ADAM18: variants seen among roughly 807,000 people sequenced by gnomAD.
The protein encoded by ADAM18 is disintegrin and metalloproteinase domain-containing protein 18.
Under a neutral mutation model 94.4 loss-of-function variants are expected in ADAM18, and 117 were observed. That is an observed-to-expected ratio of 1.24 (90% confidence interval 1.07 to 1.45). ADAM18 has a LOEUF of 1.45. Ranked by LOEUF, ADAM18 falls within the 40% of genes most tolerant of loss-of-function variation. The pLI is 0.00. For synonymous variants in ADAM18, 327 were observed against 291.6 expected, an observed-to-expected ratio of 1.12 and a Z score of -1.24; for missense variants, 936 against 880.0, an observed-to-expected ratio of 1.06 and a Z score of -0.81.
At chr8:39,602,710 A>G (rs1405464636) in intron 2 of ADAM18, among the ~76,000 whole-genome samples, 1 of 152,076 alleles carries the variant, frequency 6.6e-6, no homozygotes, top group Non-Finnish European at 1.5e-5. Flanking sequence ...TAAGTCTTTT[A>G]TGAGATATGT....
At chr8:39,709,948 A>C (rs955428461) in intron 18 of ADAM18, among the ~76,000 whole-genome samples, 1 of 152,226 alleles carries the variant, frequency 6.6e-6, no homozygotes, top group African/African-American at 2.4e-5. Context: ...TTAAGTTTGG[A>C]TAGACAGAGG....
intron 6 of ADAM18, among the ~76,000 whole-genome samples, chr8:39,612,638 G>T (rs1819312630): frequency 6.6e-6 from 1 of 152,118 alleles, no homozygotes; most frequent in South Asian, 2.1e-4. Flanking sequence ...TTGATTGTTG[G>T]ACCTGGACAA....
intron 11 of ADAM18, among the ~76,000 whole-genome samples, chr8:39,647,101 C>T (rs773764943): frequency 2.6e-5 from 4 of 151,886 alleles, no homozygotes; most frequent in African/African-American, 7.3e-5. Context: ...CCCAGGAGAC[C>T]GGCACTCAGT....
At chr8:39,642,665 G>A (rs1820268098) in intron 10 of ADAM18, among the ~76,000 whole-genome samples, 1 of 151,950 alleles carries the variant, frequency 6.6e-6, no homozygotes, top group Non-Finnish European at 1.5e-5. Flanking sequence ...TAGCCCTATA[G>A]TATAGTTTGA....
At chr8:39,624,020 ATTTG>A (rs1188901845) in intron 6 of ADAM18, among the ~76,000 whole-genome samples, 1 of 151,644 alleles carries the variant, frequency 6.6e-6, no homozygotes, top group East Asian at 1.9e-4. Flanking sequence ...TATCTTGCTG[ATTTG>A]TTTGAGTTCC....
At chr8:39,598,952 C>G (rs1402237472) in intron 2 of ADAM18, among the ~76,000 whole-genome samples, 2 of 151,970 alleles carry the variant, frequency 1.3e-5, no homozygotes, top group African/African-American at 4.8e-5. Context: ...GCTGGGATCA[C>G]AGGAACCCAC....
intron 2 of ADAM18, among the ~76,000 whole-genome samples, chr8:39,598,175 CCT>C (rs1261977505): frequency 6.6e-6 from 1 of 151,938 alleles, no homozygotes; most frequent in Non-Finnish European, 1.5e-5. Flanking sequence ...TTTCATCAAT[CCT>C]CTCAGAATTT....
chr8:39,701,023 C>T (rs1338445343), intron 17 of ADAM18, among the ~76,000 whole-genome samples: 1 of 137,050 alleles, frequency 7.3e-6, no homozygotes, highest in Non-Finnish European at 1.5e-5. Flanking sequence ...GAGGCTGAGG[C>T]AGGAGAATGG....
At chr8:39,604,001 C>G (rs1434200374) in intron 2 of ADAM18, among the ~76,000 whole-genome samples, 1 of 152,150 alleles carries the variant, frequency 6.6e-6, no homozygotes, top group South Asian at 2.1e-4. Flanking sequence ...ACTTAAAAAT[C>G]ATCAGTTACG....
chr8:39,631,936 T>C (rs73605970), intron 7 of ADAM18, among the ~76,000 whole-genome samples: 5,458 of 152,124 alleles, frequency 0.036, 251 homozygotes, highest in African/African-American at 0.11. Flanking sequence ...TAAATGGTAT[T>C]CTTAATTTAA....
At chr8:39,696,707 A>G (rs1821936532) in intron 17 of ADAM18, among the ~76,000 whole-genome samples, 1 of 151,528 alleles carries the variant, frequency 6.6e-6, no homozygotes, top group South Asian at 2.1e-4. Context: ...TGGGCTCTCT[A>G]TTCTCCATTT....
At chr8:39,715,985 C>G (rs1321725985) in intron 18 of ADAM18, among the ~76,000 whole-genome samples, 1 of 151,968 alleles carries the variant, frequency 6.6e-6, no homozygotes, top group Non-Finnish European at 1.5e-5. Flanking sequence ...GAAGACTTCA[C>G]GAGGACGGGA....
At chr8:39,647,781 G>A (rs868535314) in intron 11 of ADAM18, among the ~76,000 whole-genome samples, 3 of 152,120 alleles carry the variant, frequency 2.0e-5, no homozygotes, top group African/African-American at 4.8e-5. Context: ...AACAAGGCAC[G>A]TCCTGCACAG....
intron 12 of ADAM18, 57 bp downstream of exon 12, chr8:39,648,584 G>A: frequency 6.9e-7 from 1 of 1,444,916 alleles, no homozygotes; most frequent in Non-Finnish European, 9.4e-7. Context: ...TAAAACATAA[G>A]ACATGTTTGT....
intron 6 of ADAM18, among the ~76,000 whole-genome samples, chr8:39,615,999 G>A (rs1476947158): frequency 6.6e-6 from 1 of 152,136 alleles, no homozygotes. Context: ...GATAATCAGA[G>A]AGGTGAAAGA....
intron 16 of ADAM18, among the ~76,000 whole-genome samples, chr8:39,690,447 G>C (rs1563308159): frequency 6.6e-6 from 1 of 152,208 alleles, no homozygotes; most frequent in East Asian, 1.9e-4. Context: ...TGCTACAGTG[G>C]GTGGTGCTGC....
Position 39,586,755 on chromosome 8 carries a change from ACTATCTATCTATCTATCTAT to A in ADAM18, c.132+1432_132+1451del, listed in dbSNP as rs35604090. ...AAAACAAAAAACAAACAAACAAAAA[ACTATCTATCTATCTATCTAT>A]CTATCTATCTATCTATCTATCTATC... On this transcript the variant is annotated intron_variant, in intron 2 of 19. Transcript: ENST00000265707. 1.1e-3 allele frequency among the ~76,000 whole-genome samples: 158 copies of A among 147,546 alleles called. No homozygotes were observed. In the South Asian group the frequency reaches 0.015, roughly 14 times the overall value.
At chr8:39,618,029 G>A (rs181679362) in intron 6 of ADAM18, among the ~76,000 whole-genome samples, 1 of 152,212 alleles carries the variant, frequency 6.6e-6, no homozygotes, top group African/African-American at 2.4e-5. Flanking sequence ...CCTAAAACAA[G>A]ACCTATTTGA....
At chr8:39,702,893 A>G (rs1255777248) in intron 17 of ADAM18, among the ~76,000 whole-genome samples, 7 of 152,020 alleles carry the variant, frequency 4.6e-5, no homozygotes, top group African/African-American at 1.7e-4. Context: ...TAGTCCTGTG[A>G]TATAGTTTGA....
Sources: gnomAD v4.1 joint callset for allele counts (sites outside exome capture counted in the v4.1 genomes callset) on GRCh38, gnomAD v4.1.1 for gene constraint, MANE v1.5 for transcripts, NCBI Gene and HGNC (gene_info 2026-07-23, HGNC 2026-07-21) for gene names.